Variants in SV2C observed in about 807,000 individuals in gnomAD.
The protein encoded by SV2C is solute carrier family 22 member B3.
SV2C carries 49 observed loss-of-function variants against 79.7 expected under a neutral mutation model. The ratio of observed to expected loss-of-function variants is 0.61; its 90% CI spans 0.49 to 0.78. The LOEUF (loss-of-function observed/expected upper bound fraction) is 0.78, where lower values mean the gene tolerates loss of function less well. SV2C is among the 30% of genes least tolerant of loss of function. The probability of loss-of-function intolerance (pLI) is 0.00; values close to 1 mark genes in which losing one functional copy is unlikely to be tolerated. For synonymous variants in SV2C, 334 were observed against 333.2 expected (o/e 1.00, Z -0.03); for missense variants, 833 against 912.9 (o/e 0.91, Z 1.13).
chr5:76,026,087 G>A, the SV2C span, among the ~76,000 whole-genome samples: 4 of 152,034 alleles, frequency 2.6e-5, no homozygotes, highest in East Asian at 7.7e-4. Flanking sequence ...GCCAATTATA[G>A]TTGGAAATGG....
At chr5:75,963,124 C>G in the SV2C span, among the ~76,000 whole-genome samples, 39,020 of 152,026 alleles carry the variant, frequency 0.26, 6,186 homozygotes, top group Non-Finnish European at 0.37. Flanking sequence ...GAAGGAAGGT[C>G]AGACTGACAG....
intron 4 of SV2C, chr5:76,280,928 G>A (rs894069840): frequency 7.6e-6 from 4 of 528,558 alleles, no homozygotes; most frequent in Non-Finnish European, 1.5e-5. Flanking sequence ...TGCTGAGAGC[G>A]CGACAGGGTC....
At chr5:76,052,634 T>A in the SV2C span, among the ~76,000 whole-genome samples, 261 of 152,344 alleles carry the variant, frequency 1.7e-3, 7 homozygotes, top group East Asian at 0.049. Context: ...GTGTCACACA[T>A]GGCCTGTGCC....
intron 1 of SV2C, among the ~76,000 whole-genome samples, chr5:76,095,780 T>C (rs1230949830): frequency 6.6e-6 from 1 of 152,150 alleles, no homozygotes; most frequent in Non-Finnish European, 1.5e-5. Flanking sequence ...TAGAATGGTA[T>C]ATTTAGTTAA....
At position 76,297,710 on chromosome 5, in the gene SV2C, T is replaced by C. The variant is rs1402314940; in HGVS notation, c.1503-1084T>C. 2.0e-5 allele frequency among the ~76,000 whole-genome samples: 3 copies of C among 152,232 alleles called. No individual in the cohort carries two copies. In the East Asian group the frequency reaches 5.8e-4, roughly 29 times the overall value. On this transcript the variant is annotated intron_variant, in intron 9 of 12. Coordinates refer to ENST00000502798, the MANE Select transcript of SV2C (RefSeq NM_014979.4). Reference sequence around the variant, plus strand: ...GATTTCTTTTTTAAGCTGATTGGTCTGTGAGGCCATGTGCATTTTGAACCA... The same window carrying C: ...GATTTCTTTTTTAAGCTGATTGGTCCGTGAGGCCATGTGCATTTTGAACCA...
At chr5:75,913,620 T>C in the SV2C span, among the ~76,000 whole-genome samples, 1 of 152,192 alleles carries the variant, frequency 6.6e-6, no homozygotes, top group African/African-American at 2.4e-5. Context: ...GACCACATCT[T>C]GGGATAGGGA....
chr5:76,018,688 G>A, the SV2C span, among the ~76,000 whole-genome samples: 1 of 152,136 alleles, frequency 6.6e-6, no homozygotes, highest in Non-Finnish European at 1.5e-5. Flanking sequence ...TTTTAATGAT[G>A]TAATTAAGTA....
the SV2C span, chr5:75,911,055 C>A: frequency 1.6e-6 from 2 of 1,214,468 alleles, no homozygotes; most frequent in East Asian, 2.3e-5. Flanking sequence ...GAATCTGTCG[C>A]AACAACTGAA....
intron 2 of SV2C, among the ~76,000 whole-genome samples, chr5:76,177,660 A>G (rs1743581924): frequency 6.6e-6 from 1 of 152,218 alleles, no homozygotes; most frequent in Non-Finnish European, 1.5e-5. Context: ...ATGTGTTATT[A>G]TGTCCCAAAC....
chr5:76,236,704 A>G (rs867457518), intron 4 of SV2C, among the ~76,000 whole-genome samples: 1 of 152,156 alleles, frequency 6.6e-6, no homozygotes, highest in Non-Finnish European at 1.5e-5. Context: ...GCATTAATCT[A>G]TTCATGATAG....
At chr5:76,098,384 G>A (rs1256303082) in intron 1 of SV2C, among the ~76,000 whole-genome samples, 1 of 152,180 alleles carries the variant, frequency 6.6e-6, no homozygotes, top group Non-Finnish European at 1.5e-5. Flanking sequence ...CAATTCAGAA[G>A]AAATAAATCA....
chr5:76,032,852 C>T, the SV2C span, among the ~76,000 whole-genome samples: 1 of 152,328 alleles, frequency 6.6e-6, no homozygotes, highest in East Asian at 1.9e-4. Context: ...AATTAGTTTA[C>T]AGTCCCACCA....
the SV2C span, among the ~76,000 whole-genome samples, chr5:75,951,301 C>T: frequency 1.2e-4 from 18 of 152,082 alleles, no homozygotes; most frequent in African/African-American, 3.4e-4. Context: ...AACATGTCTG[C>T]GAATTTTTGG....
the SV2C span, among the ~76,000 whole-genome samples, chr5:75,919,299 G>A: frequency 7.9e-5 from 12 of 152,210 alleles, no homozygotes; most frequent in African/African-American, 2.9e-4. Context: ...CTCCCCTATC[G>A]GTGTGTTTCA....
the SV2C span, among the ~76,000 whole-genome samples, chr5:76,032,329 G>A: frequency 6.6e-6 from 1 of 151,856 alleles, no homozygotes; most frequent in Non-Finnish European, 1.5e-5. Flanking sequence ...CCTGTGCCAT[G>A]CTGGTGCGCT....
At chr5:76,260,840 C>T (rs1270374376) in intron 4 of SV2C, among the ~76,000 whole-genome samples, 1 of 152,188 alleles carries the variant, frequency 6.6e-6, no homozygotes, top group Non-Finnish European at 1.5e-5. Context: ...ATCTTGGTTA[C>T]TGTGGCCTTG....
At chr5:76,053,296 C>T in the SV2C span, among the ~76,000 whole-genome samples, 390 of 152,192 alleles carry the variant, frequency 2.6e-3, 1 homozygote, top group Non-Finnish European at 3.4e-3. Flanking sequence ...TCCCAATTGA[C>T]ACAAGTTCTG....
chr5:75,870,037 G>C, the SV2C span, among the ~76,000 whole-genome samples: 1 of 151,970 alleles, frequency 6.6e-6, no homozygotes, highest in Non-Finnish European at 1.5e-5. Context: ...AGAAGGACAG[G>C]TACAAACAAG....
At chr5:75,896,031 A>G in the SV2C span, among the ~76,000 whole-genome samples, 6 of 151,942 alleles carry the variant, frequency 3.9e-5, no homozygotes, top group Non-Finnish European at 5.9e-5. Flanking sequence ...TATTATCTAA[A>G]TTGTCAGTAA....
Sources: gnomAD v4.1 joint callset for allele counts (sites outside exome capture counted in the v4.1 genomes callset) on GRCh38, gnomAD v4.1.1 for gene constraint, MANE v1.5 for transcripts, NCBI Gene and HGNC (gene_info 2026-07-23, HGNC 2026-07-21) for gene names.